TCF7L1: variants seen among roughly 807,000 people sequenced by gnomAD.
TCF7L1 encodes transcription factor 7 like 1.
Under a neutral mutation model 63.7 loss-of-function variants are expected in TCF7L1, and 18 were observed. That is an observed-to-expected ratio of 0.28 (90% CI 0.20 to 0.42). The LOEUF (loss-of-function observed/expected upper bound fraction) is 0.42, where lower values mean the gene tolerates loss of function less well. TCF7L1 is among the 10% of genes least tolerant of loss of function. The probability of loss-of-function intolerance (pLI) is 1.00; values close to 1 mark genes in which losing one functional copy is unlikely to be tolerated. For missense variants in TCF7L1, 654 were observed against 779.3 expected (o/e 0.84, Z 1.91); for synonymous variants, 355 against 340.9 (o/e 1.04, Z -0.46).
At chr2:85,219,901 T>A (rs6715431) in intron 3 of TCF7L1, among the ~76,000 whole-genome samples, 16,060 of 152,216 alleles carry the variant, frequency 0.11, 1,740 homozygotes, top group African/African-American at 0.28. Flanking sequence ...CAACTGACTT[T>A]CAAATGGTTC....
chr2:85,175,280 T>C (rs950130986), intron 3 of TCF7L1, among the ~76,000 whole-genome samples: 1 of 152,218 alleles, frequency 6.6e-6, no homozygotes, highest in African/African-American at 2.4e-5. Context: ...CCCCCACAAT[T>C]GTTATTTCCT....
intron 3 of TCF7L1, among the ~76,000 whole-genome samples, chr2:85,151,685 A>T (rs1241188212): frequency 6.6e-6 from 1 of 152,230 alleles, no homozygotes; most frequent in Non-Finnish European, 1.5e-5. Context: ...GGCTGAGACC[A>T]GTTTGCCACT....
intron 3 of TCF7L1, among the ~76,000 whole-genome samples, chr2:85,260,500 G>A (rs1157804956): frequency 6.6e-6 from 1 of 151,962 alleles, no homozygotes; most frequent in Non-Finnish European, 1.5e-5. Context: ...AATTAGCAGG[G>A]CATGGTGGTG....
intron 3 of TCF7L1, among the ~76,000 whole-genome samples, chr2:85,283,195 T>C (rs964105559): frequency 6.6e-6 from 1 of 151,652 alleles, no homozygotes; most frequent in African/African-American, 2.4e-5. Context: ...TCTTTGAATA[T>C]GTTGATTGGT....
In TCF7L1 at chr2:85,222,004, G is replaced by T. The variant is rs374850996; in HGVS notation, c.442-61491G>T. ...TAATACAGGAGGCGTGGGCAGGGTG[G>T]AAATAGGGAAAGAGAAAGACTCCTA... On this transcript the variant is annotated intron_variant, in intron 3 of 11. Transcript: ENST00000282111. 1.9e-4 allele frequency among the ~76,000 whole-genome samples: 29 copies of T among 151,458 alleles called. 1 individual carries two copies. The East Asian group carries it at 5.4e-3, about 28-fold the overall frequency.
intron 3 of TCF7L1, among the ~76,000 whole-genome samples, chr2:85,197,118 A>G (rs1270693958): frequency 6.6e-6 from 1 of 152,188 alleles, no homozygotes; most frequent in Non-Finnish European, 1.5e-5. Context: ...TTGTGTTACT[A>G]AAACAGTATG....
intron 3 of TCF7L1, among the ~76,000 whole-genome samples, chr2:85,185,078 G>A (rs1169365909): frequency 2.0e-5 from 3 of 152,042 alleles, no homozygotes; most frequent in African/African-American, 7.3e-5. Flanking sequence ...ATCTTTTATA[G>A]CCCCAGATGA....
chr2:85,254,727 T>C (rs2104339055), intron 3 of TCF7L1, among the ~76,000 whole-genome samples: 1 of 152,304 alleles, frequency 6.6e-6, no homozygotes, highest in Non-Finnish European at 1.5e-5. Flanking sequence ...GCCTCGCCAA[T>C]CTGCACTGAG....
intron 4 of TCF7L1, among the ~76,000 whole-genome samples, chr2:85,285,534 C>T (rs975408928): frequency 5.9e-5 from 9 of 152,206 alleles, no homozygotes; most frequent in Non-Finnish European, 1.3e-4. Context: ...TGCAGCCAGT[C>T]GCCAAGGCAC....
At chr2:85,168,699 G>A (rs1015731829) in intron 3 of TCF7L1, among the ~76,000 whole-genome samples, 8 of 152,070 alleles carry the variant, frequency 5.3e-5, no homozygotes, top group Non-Finnish European at 1.0e-4. Flanking sequence ...TTGGCTCACT[G>A]CAACCTCCGC....
At chr2:85,229,036 A>AG (rs1680016748) in intron 3 of TCF7L1, among the ~76,000 whole-genome samples, 1 of 142,454 alleles carries the variant, frequency 7.0e-6, no homozygotes, top group African/African-American at 2.6e-5. Context: ...AAAAAAAAAA[A>AG]AAAGAAAGGA....
intron 3 of TCF7L1, among the ~76,000 whole-genome samples, chr2:85,168,707 C>T (rs974717795): frequency 2.2e-4 from 33 of 152,060 alleles, no homozygotes; most frequent in Non-Finnish European, 3.5e-4. Context: ...CTGCAACCTC[C>T]GCCTCCCGGA....
At chr2:85,273,088 G>A (rs556245514) in intron 3 of TCF7L1, among the ~76,000 whole-genome samples, 4 of 152,260 alleles carry the variant, frequency 2.6e-5, no homozygotes, top group South Asian at 2.1e-4. Context: ...GTGTACATGC[G>A]GGGAAGGGAA....
chr2:85,233,924 C>T (rs1180574095), intron 3 of TCF7L1: 1 of 152,138 alleles, frequency 6.6e-6, no homozygotes, highest in Non-Finnish European at 1.5e-5. Context: ...GAGCGGTTTT[C>T]CGTTGTATGG....
chr2:85,202,860 G>A (rs1471467977), intron 3 of TCF7L1, among the ~76,000 whole-genome samples: 1 of 152,038 alleles, frequency 6.6e-6, no homozygotes, highest in African/African-American at 2.4e-5. Flanking sequence ...TTGAGACAGA[G>A]TCTCGCTCTT....
chr2:85,201,293 G>A (rs1679267768), intron 3 of TCF7L1, among the ~76,000 whole-genome samples: 1 of 152,156 alleles, frequency 6.6e-6, no homozygotes, highest in Non-Finnish European at 1.5e-5. Flanking sequence ...GCATCTTTAT[G>A]TTTGTTTACA....
chr2:85,237,027 A>C (rs1680207539), intron 3 of TCF7L1, among the ~76,000 whole-genome samples: 1 of 152,138 alleles, frequency 6.6e-6, no homozygotes, highest in Non-Finnish European at 1.5e-5. Flanking sequence ...TAGGATGCTG[A>C]GATACCACCA....
At chr2:85,144,428 A>G (rs925622237) in intron 3 of TCF7L1, among the ~76,000 whole-genome samples, 1 of 151,084 alleles carries the variant, frequency 6.6e-6, no homozygotes, top group East Asian at 1.9e-4. Flanking sequence ...AAAAAAAAAA[A>G]AAAAAACAAA....
chr2:85,278,830 C>T (rs923124199), intron 3 of TCF7L1, among the ~76,000 whole-genome samples: 2 of 152,198 alleles, frequency 1.3e-5, no homozygotes, highest in Non-Finnish European at 2.9e-5. Context: ...TAGTACCTGC[C>T]GTTTGGGTTT....
Sources: allele counts gnomAD v4.1 joint callset (sites outside exome capture counted in the v4.1 genomes callset), GRCh38; gene constraint gnomAD v4.1.1; transcripts MANE v1.5; gene names NCBI Gene and HGNC (gene_info 2026-07-23, HGNC 2026-07-21).